The following KIAA1671 variants were observed in gnomAD, a reference collection of about 807,000 sequenced individuals.
The protein encoded by KIAA1671 is KIAA1671.
A neutral mutation model predicts 131.2 loss-of-function variants in KIAA1671; 52 were observed. The observed-to-expected ratio is 0.40, with a 90% CI of 0.32 to 0.50. The LOEUF is 0.50. Ranked by LOEUF, KIAA1671 falls within the 20% of genes least tolerant of loss-of-function variation. KIAA1671 has a pLI of 0.73. For missense variants in KIAA1671, 2,360 were observed against 2,364.2 expected (o/e 1.00, Z 0.04); for synonymous variants, 1,003 against 961.6 (o/e 1.04, Z -0.80).
At chr22:25,032,780 G>T in intron 4 of KIAA1671, 84 bp downstream of exon 4, 2 of 787,246 alleles carry the variant, frequency 2.5e-6, no homozygotes, top group Non-Finnish European at 2.0e-6. Context: ...GATCTTCTAG[G>T]CCCCAGGAAG....
chr22:25,169,336 T>A (rs1568989905), intron 6 of KIAA1671, among the ~76,000 whole-genome samples: 1 of 151,282 alleles, frequency 6.6e-6, no homozygotes, highest in Non-Finnish European at 1.5e-5. Flanking sequence ...GGAGGATTAC[T>A]TGAGCCCCAG....
At chr22:24,988,735 CAAAAA>C (rs133092) in intron 1 of KIAA1671, among the ~76,000 whole-genome samples, 1 of 106,512 alleles carries the variant, frequency 9.4e-6, no homozygotes. Context: ...GACTCCATCT[CAAAAA>C]AAAAAAAAAA....
At chr22:24,999,562 TTTTG>T (rs1317714918) in intron 1 of KIAA1671, among the ~76,000 whole-genome samples, 3 of 137,510 alleles carry the variant, frequency 2.2e-5, no homozygotes, top group South Asian at 2.3e-4. Flanking sequence ...TGTGCTTTGG[TTTTG>T]TTTGTTTGTT....
chr22:25,068,518 G>A (rs1928618468), intron 6 of KIAA1671, among the ~76,000 whole-genome samples: 1 of 151,962 alleles, frequency 6.6e-6, no homozygotes, highest in African/African-American at 2.4e-5. Context: ...CTCACTGCAA[G>A]CTCCGCCTAC....
chr22:25,066,056 G>A (rs1222258591), intron 6 of KIAA1671, among the ~76,000 whole-genome samples: 2 of 152,090 alleles, frequency 1.3e-5, no homozygotes, highest in Admixed American at 1.3e-4. Context: ...GCTTGTAGAT[G>A]GTGTTGTCTA....
chr22:25,020,779 T>C (rs1215310930), intron 1 of KIAA1671, among the ~76,000 whole-genome samples: 2 of 152,182 alleles, frequency 1.3e-5, no homozygotes, highest in African/African-American at 4.8e-5. Flanking sequence ...ACACTGTGTT[T>C]TGTGGCCTGT....
chr22:25,148,236 G>C (rs1293196802), intron 6 of KIAA1671, among the ~76,000 whole-genome samples: 1 of 146,948 alleles, frequency 6.8e-6, no homozygotes, highest in Non-Finnish European at 1.5e-5. Context: ...CTCAGTCCTG[G>C]CACCCCCCTC....
At chr22:25,166,685 C>T (rs934248492) in intron 6 of KIAA1671, among the ~76,000 whole-genome samples, 2 of 152,200 alleles carry the variant, frequency 1.3e-5, no homozygotes, top group African/African-American at 4.8e-5. Context: ...AGGCAGTGAG[C>T]TTAACACTTT....
chr22:24,996,408 T>C (rs1924140687), intron 1 of KIAA1671, among the ~76,000 whole-genome samples: 2 of 152,138 alleles, frequency 1.3e-5, no homozygotes, highest in Admixed American at 6.5e-5. Context: ...GCATGGCCCC[T>C]GGGTTGGCCA....
intron 10 of KIAA1671, among the ~76,000 whole-genome samples, chr22:25,184,432 G>C (rs1352174995): frequency 1.3e-5 from 2 of 152,184 alleles, no homozygotes; most frequent in Non-Finnish European, 2.9e-5. Context: ...GACCCAACAC[G>C]GCCTGGGAGA....
chr22:25,068,874 G>C (rs1219646054), intron 6 of KIAA1671, among the ~76,000 whole-genome samples: 1 of 152,186 alleles, frequency 6.6e-6, no homozygotes, highest in African/African-American at 2.4e-5. Context: ...GGGGGCGGGA[G>C]CCTGGTGCAG....
At chr22:25,153,099 C>T (rs1933103629) in intron 6 of KIAA1671, among the ~76,000 whole-genome samples, 1 of 152,188 alleles carries the variant, frequency 6.6e-6, no homozygotes, top group East Asian at 1.9e-4. Context: ...AGTAACTGTA[C>T]TACCACATAG....
chr22:25,088,314 C>G (rs1929842799), intron 6 of KIAA1671, among the ~76,000 whole-genome samples: 1 of 152,112 alleles, frequency 6.6e-6, no homozygotes, highest in Non-Finnish European at 1.5e-5. Context: ...ACCATGTTGG[C>G]CAGGCTGGTC....
In KIAA1671 at chr22:25,040,590, T is replaced by A. The variant is rs796231388; in HGVS notation, c.3460T>A (p.Ser1154Thr). The A allele has an allele frequency of 3.4e-5, 53 of 1,551,474 alleles. No individual in the cohort carries two copies. In the Admixed American group the frequency reaches 9.4e-4, roughly 28 times the overall value. ...TTGGAAGGAAAGTGCGAACAAGATG[T>A]CCCCCAGCGGCGGAGCTCCCCAAAC... is the stretch of plus-strand genomic sequence containing the variant. Reference protein sequence around the residue: ...SNWKESANKMSPSGGAPQTTP... With the variant: ...SNWKESANKMTPSGGAPQTTP... Residue 1154 changes from serine to threonine, a missense_variant, in exon 5 of 13, where the codon TCC (serine) becomes ACC (threonine). This residue lies in a region of KIAA1671 where 1,161 missense variants were observed against 1,204.7 expected (regional missense o/e 0.96). Transcript: ENST00000358431.
Position 24,971,653 on chromosome 22 carries a change from C to G in KIAA1671, c.-208+18881C>G, listed in dbSNP as rs565292104. On this transcript the variant is annotated intron_variant, in intron 1 of 12. Coordinates refer to ENST00000358431, the MANE Select transcript of KIAA1671 (RefSeq NM_001145206.2). ...AACATGGTACATTCCCAGTGTCTCTCAAATTTGGGGGTGATCCATCTGGCT... is the reference window on the plus strand; with the variant it reads ...AACATGGTACATTCCCAGTGTCTCTGAAATTTGGGGGTGATCCATCTGGCT... Among the ~76,000 whole-genome samples the G allele has an allele frequency of 3.3e-5, 5 of 152,228 alleles. No homozygotes were observed. The South Asian group carries it at 1.0e-3, about 32-fold the overall frequency.
At chr22:25,051,666 G>A (rs1419990232) in intron 6 of KIAA1671, 1 of 151,958 alleles carries the variant, frequency 6.6e-6, no homozygotes, top group Non-Finnish European at 1.5e-5. Flanking sequence ...AAAGGGGAAA[G>A]TGAAGCCAGG....
At chr22:25,096,438 T>G (rs1398574427) in intron 6 of KIAA1671, among the ~76,000 whole-genome samples, 3 of 152,118 alleles carry the variant, frequency 2.0e-5, no homozygotes, top group Non-Finnish European at 4.4e-5. Context: ...TAGCAGTCAC[T>G]CAAGACACAC....
intron 1 of KIAA1671, among the ~76,000 whole-genome samples, chr22:24,994,908 G>A (rs1924030258): frequency 6.6e-6 from 1 of 151,986 alleles, no homozygotes; most frequent in Non-Finnish European, 1.5e-5. Context: ...TTGGGGCGAG[G>A]GGTCCACTCT....
intron 1 of KIAA1671, among the ~76,000 whole-genome samples, chr22:24,974,416 C>T (rs1922802184): frequency 6.6e-6 from 1 of 152,042 alleles, no homozygotes; most frequent in Non-Finnish European, 1.5e-5. Flanking sequence ...TTCTTATTTC[C>T]AGATGAGGAA....
Sources: gnomAD v4.1 joint callset for allele counts (sites outside exome capture counted in the v4.1 genomes callset) on GRCh38, gnomAD v4.1.1 for gene constraint, gnomAD v4.1.1 regional missense constraint, MANE v1.5 for transcripts, NCBI Gene and HGNC (gene_info 2026-07-23, HGNC 2026-07-21) for gene names.